Variants in HORMAD2 observed in about 807,000 individuals in gnomAD.
The protein encoded by HORMAD2 is HORMA domain-containing protein 2.
HORMAD2 carries 45 observed loss-of-function variants against 38.8 expected under a neutral mutation model. That is an observed-to-expected ratio of 1.16 (90% confidence interval 0.91 to 1.49). The LOEUF (loss-of-function observed/expected upper bound fraction) is 1.49. Among genes scored for constraint, HORMAD2 ranks in the 40% most tolerant of loss-of-function variants. The probability of loss-of-function intolerance (pLI) is 0.00; values close to 1 mark genes in which losing one functional copy is unlikely to be tolerated. For synonymous variants in HORMAD2, 126 were observed against 122.8 expected (o/e 1.03, Z -0.17); for missense variants, 338 against 367.0 (o/e 0.92, Z 0.65).
chr22:30,093,988 A>T lies in HORMAD2; in HGVS notation c.36A>T (p.Ile12=). The change falls in exon 2 of 11, where the codon ATA becomes ATT. Residue 12 remains isoleucine, a synonymous_variant. Coordinates refer to ENST00000336726, the MANE Select transcript of HORMAD2 (RefSeq NM_152510.4). Reference sequence around the variant, plus strand: ...CTCAGCTTTCTCACTGCATCACAATACACAAGGCTTCTAAGGTATTTGTTA... The same window carrying T: ...CTCAGCTTTCTCACTGCATCACAATTCACAAGGCTTCTAAGGTATTTGTTA... ...ATAQLSHCIT[I]HKASKETVFP... is the part of the protein sequence containing the mutation. The T allele has an allele frequency of 6.2e-7, 1 of 1,606,956 alleles. No homozygotes were observed. The highest frequency in any genetic ancestry group is 8.5e-7 in the Non-Finnish European group (1 of 1,175,332).
chr22:30,201,873 C>A, the HORMAD2 span, among the ~76,000 whole-genome samples: 1 of 152,146 alleles, frequency 6.6e-6, no homozygotes, highest in Non-Finnish European at 1.5e-5. Flanking sequence ...AAGGTGGCCA[C>A]ACGGTGAAGG....
At chr22:30,188,910 C>A in the HORMAD2 span, among the ~76,000 whole-genome samples, 2 of 151,936 alleles carry the variant, frequency 1.3e-5, no homozygotes, top group South Asian at 4.2e-4. Flanking sequence ...CCAAAGAGGG[C>A]AGATTGCTTG....
chr22:30,082,156 TTTTGAGTAAAG>T (rs1330296067), intron 1 of HORMAD2, among the ~76,000 whole-genome samples: 49 of 152,336 alleles, frequency 3.2e-4, no homozygotes, highest in Non-Finnish European at 6.2e-4. Context: ...CGTACACTTC[TTTTGAGTAAAG>T]CCATTCTTAA....
intron 10 of HORMAD2, among the ~76,000 whole-genome samples, chr22:30,152,304 C>T (rs1259914639): frequency 6.6e-6 from 1 of 151,948 alleles, no homozygotes; most frequent in East Asian, 1.9e-4. Context: ...CTCAAACAAT[C>T]CTCCTGCCCC....
At chr22:30,166,040 T>G (rs1226442000) in intron 10 of HORMAD2, among the ~76,000 whole-genome samples, 1 of 151,788 alleles carries the variant, frequency 6.6e-6, no homozygotes, top group African/African-American at 2.4e-5. Context: ...TTATTCTTCT[T>G]TTTCATTATT....
intron 10 of HORMAD2, among the ~76,000 whole-genome samples, chr22:30,158,491 TTTTC>T (rs992088926): frequency 6.6e-6 from 1 of 151,290 alleles, no homozygotes; most frequent in African/African-American, 2.5e-5. Flanking sequence ...TTCTTTTTTC[TTTTC>T]TTTCTTTCCT....
intron 10 of HORMAD2, chr22:30,137,355 A>G: frequency 2.0e-6 from 1 of 496,042 alleles, no homozygotes; most frequent in South Asian, 1.6e-5. Flanking sequence ...TGAACATAGC[A>G]GGTGCTTTCA....
intron 10 of HORMAD2, among the ~76,000 whole-genome samples, chr22:30,156,701 G>A (rs1227103939): frequency 6.6e-6 from 1 of 152,170 alleles, no homozygotes; most frequent in African/African-American, 2.4e-5. Context: ...ATTTTGCAAG[G>A]CAATATCTAC....
intron 10 of HORMAD2, among the ~76,000 whole-genome samples, chr22:30,170,332 A>G (rs1926033591): frequency 6.6e-6 from 1 of 152,170 alleles, no homozygotes; most frequent in Non-Finnish European, 1.5e-5. Flanking sequence ...GTGGTTCCCC[A>G]TGCAGGTCTA....
At chr22:30,154,625 T>G (rs1276320815) in intron 10 of HORMAD2, among the ~76,000 whole-genome samples, 1 of 152,208 alleles carries the variant, frequency 6.6e-6, no homozygotes, top group African/African-American at 2.4e-5. Flanking sequence ...TTAGCTTCCC[T>G]TAGCTTGGAA....
chr22:30,079,698 G>C (rs2068434979), upstream of HORMAD2, among the ~76,000 whole-genome samples: 1 of 151,822 alleles, frequency 6.6e-6, no homozygotes, highest in Non-Finnish European at 1.5e-5. Context: ...AAATTTTTTT[G>C]AGACGGAGTC....
At chr22:30,187,537 T>A in the HORMAD2 span, among the ~76,000 whole-genome samples, 3 of 148,892 alleles carry the variant, frequency 2.0e-5, no homozygotes, top group East Asian at 5.9e-4. Context: ...GTGTGTGTAT[T>A]TTTTTCCGTT....
downstream of HORMAD2, among the ~76,000 whole-genome samples, chr22:30,177,609 T>C (rs949047898): frequency 5.9e-5 from 9 of 151,318 alleles, no homozygotes; most frequent in African/African-American, 2.2e-4. Flanking sequence ...GAGAATCACA[T>C]AAAGAGATTA....
At position 30,111,861 on chromosome 22, in the gene HORMAD2, A is replaced by T. The variant is rs760335717; in HGVS notation, c.315+45A>T. 5.4e-6 allele frequency: 8 copies of T among 1,489,604 alleles called. No individual in the cohort carries two copies. In the Admixed American group the frequency reaches 1.3e-4, roughly 24 times the overall value. The allele number at this position is 1,489,604 out of a possible 1,614,324, so 92.3% of individuals were successfully genotyped here. ...AAGACCAAGCCTCTGTCTCTATTTC[A>T]TTGTCTTTTGGCAAGTGAAACATTA... On this transcript the variant is annotated intron_variant, in intron 6 of 10. Coordinates refer to ENST00000336726, the MANE Select transcript of HORMAD2 (RefSeq NM_152510.4).
chr22:30,131,092 G>A (rs941821169), intron 10 of HORMAD2, among the ~76,000 whole-genome samples: 10 of 152,042 alleles, frequency 6.6e-5, no homozygotes, highest in Admixed American at 6.5e-5. Context: ...TCAAAGAACT[G>A]ACCTATATGG....
chr22:30,088,251 A>G (rs551679234), intron 1 of HORMAD2, among the ~76,000 whole-genome samples: 4 of 150,498 alleles, frequency 2.7e-5, no homozygotes, highest in African/African-American at 9.7e-5. Flanking sequence ...ATATACATAT[A>G]CACACATATA....
chr22:30,170,822 T>A (rs1405423690), intron 10 of HORMAD2, among the ~76,000 whole-genome samples: 1 of 152,152 alleles, frequency 6.6e-6, no homozygotes, highest in Non-Finnish European at 1.5e-5. Flanking sequence ...TTGTCTCAAT[T>A]TCTTTAGTCT....
chr22:30,077,805 C>T (rs1242380800), upstream of HORMAD2, among the ~76,000 whole-genome samples: 1 of 152,204 alleles, frequency 6.6e-6, no homozygotes, highest in Non-Finnish European at 1.5e-5. Flanking sequence ...TGGAGTATTT[C>T]TAAAGCCCCC....
intron 10 of HORMAD2, among the ~76,000 whole-genome samples, chr22:30,132,553 C>A (rs1030315519): frequency 0.01 from 1,513 of 146,116 alleles, 24 homozygotes; most frequent in African/African-American, 0.036. Context: ...AAAAAAAAAA[C>A]AAAACCAAAA....
Sources: gnomAD v4.1 joint callset for allele counts (sites outside exome capture counted in the v4.1 genomes callset) on GRCh38, gnomAD v4.1.1 for gene constraint, MANE v1.5 for transcripts, NCBI Gene and HGNC (gene_info 2026-07-23, HGNC 2026-07-21) for gene names.